SNX25: variants seen among roughly 807,000 people sequenced by gnomAD.
The protein encoded by SNX25 is sorting nexin 25.
SNX25 carries 62 observed loss-of-function variants against 113.7 expected under a neutral mutation model. That is an observed-to-expected ratio of 0.55 (90% CI 0.44 to 0.67). The LOEUF is 0.67. Among genes scored for constraint, SNX25 ranks in the 30% least tolerant of loss-of-function variants. SNX25 has a pLI of 0.00. For missense variants in SNX25, 1,014 were observed against 1,161.0 expected, an observed-to-expected ratio of 0.87 and a Z score of 1.84; for synonymous variants, 421 against 436.2, an observed-to-expected ratio of 0.97 and a Z score of 0.43.
At chr4:185,374,530 A>G (rs984536351), downstream of SNX25, 3 of 1,553,554 alleles carry the variant, frequency 1.9e-6, no homozygotes, top group Non-Finnish European at 2.6e-6. Flanking sequence ...CTTTCTCCCA[A>G]TAAGGCTGTG....
At chr4:185,239,278 T>G (rs536046342) in intron 1 of SNX25, among the ~76,000 whole-genome samples, 2 of 150,036 alleles carry the variant, frequency 1.3e-5, no homozygotes, top group African/African-American at 4.9e-5. Flanking sequence ...GGTCAGGAGA[T>G]CGAGACCATC....
chr4:185,206,104 G>A (rs529999794), upstream of SNX25, among the ~76,000 whole-genome samples: 53 of 152,314 alleles, frequency 3.5e-4, no homozygotes, highest in African/African-American at 1.2e-3. Flanking sequence ...AGTATGGCAT[G>A]TTCTGAAAAA....
At chr4:185,262,990 A>C (rs1013560788) in intron 3 of SNX25, among the ~76,000 whole-genome samples, 3 of 152,152 alleles carry the variant, frequency 2.0e-5, no homozygotes, top group African/African-American at 7.2e-5. Context: ...GAGTTAGTGG[A>C]AGGATTCCAG....
intron 7 of SNX25, among the ~76,000 whole-genome samples, chr4:185,315,224 T>C (rs1486399313): frequency 2.4e-5 from 3 of 123,986 alleles, no homozygotes; most frequent in Non-Finnish European, 3.5e-5. Flanking sequence ...CAAGACTCCA[T>C]CTCAAAAAAA....
intron 13 of SNX25, among the ~76,000 whole-genome samples, chr4:185,350,065 CCTT>C (rs1215885678): frequency 2.0e-5 from 3 of 152,352 alleles, no homozygotes; most frequent in South Asian, 4.1e-4. Flanking sequence ...CCCTTAATCT[CCTT>C]CTCAATGGCC....
At chr4:185,351,862 C>A (rs2095316518) in intron 14 of SNX25, among the ~76,000 whole-genome samples, 1 of 149,838 alleles carries the variant, frequency 6.7e-6, no homozygotes, top group South Asian at 2.1e-4. Context: ...ACACACGGGG[C>A]GCCAGTCCCC....
At chr4:185,359,531 C>T (rs2095352920) in intron 16 of SNX25, among the ~76,000 whole-genome samples, 4 of 152,040 alleles carry the variant, frequency 2.6e-5, no homozygotes, top group East Asian at 3.9e-4. Flanking sequence ...CGGTGGCTCA[C>T]GTCTGTAATC....
intron 13 of SNX25, among the ~76,000 whole-genome samples, chr4:185,350,518 G>C (rs1270566264): frequency 6.6e-6 from 1 of 152,188 alleles, no homozygotes; most frequent in East Asian, 1.9e-4. Context: ...CCTAAGGTCA[G>C]GTAAGTACAT....
At chr4:185,270,744 C>A (rs1344551819) in intron 5 of SNX25, among the ~76,000 whole-genome samples, 1 of 152,220 alleles carries the variant, frequency 6.6e-6, no homozygotes, top group South Asian at 2.1e-4. Context: ...ATGGATTTGC[C>A]TAGTCTGGAC....
At chr4:185,371,561 A>T (rs79617325), downstream of SNX25, among the ~76,000 whole-genome samples, 54 of 150,694 alleles carry the variant, frequency 3.6e-4, 1 homozygote, top group African/African-American at 7.4e-4. Context: ...AAAAAAAAAA[A>T]AAGGATAATG....
intron 1 of SNX25, among the ~76,000 whole-genome samples, chr4:185,224,530 T>TAAATAG (rs1560905107): frequency 1.4e-4 from 18 of 129,642 alleles, no homozygotes; most frequent in African/African-American, 3.9e-4. Flanking sequence ...TATATATACA[T>TAAATAG]ATATATAAAT....
chr4:185,332,834 A>C (rs923066734), intron 10 of SNX25, 75 bp downstream of exon 10: 20 of 1,425,290 alleles, frequency 1.4e-5, no homozygotes, highest in Non-Finnish European at 1.9e-5. Flanking sequence ...TGAGGTTGAG[A>C]AGTGTCAGTT....
At chr4:185,333,939 C>G (rs1292930046) in intron 10 of SNX25, among the ~76,000 whole-genome samples, 2 of 149,838 alleles carry the variant, frequency 1.3e-5, no homozygotes, top group African/African-American at 4.9e-5. Context: ...TCCCCAGCTA[C>G]TAGGTAGGCT....
intron 5 of SNX25, among the ~76,000 whole-genome samples, chr4:185,278,332 G>A (rs1750051163): frequency 6.6e-6 from 1 of 152,254 alleles, no homozygotes; most frequent in African/African-American, 2.4e-5. Context: ...TCAAGAGTCA[G>A]ACAGACCTGG....
At chr4:185,261,116 G>C (rs202106067) in intron 3 of SNX25, among the ~76,000 whole-genome samples, 38 of 37,806 alleles carry the variant, frequency 1.0e-3, no homozygotes, top group South Asian at 4.3e-3. Flanking sequence ...GTCTGTCTCT[G>C]TGTGTGTGTG....
intron 6 of SNX25, among the ~76,000 whole-genome samples, chr4:185,304,371 T>C (rs986115006): frequency 1.3e-5 from 2 of 152,168 alleles, no homozygotes; most frequent in Non-Finnish European, 2.9e-5. Context: ...TTATTTTGTT[T>C]TTTTGAGATG....
rs2095217251 is a variant in SNX25, at chr4:185,334,535, G to A, written c.1914+1776G>A. Among the ~76,000 whole-genome samples the A allele has an allele frequency of 2.0e-5, 3 of 152,188 alleles. No individual in the cohort carries two copies. Among genetic ancestry groups the A allele is most frequent in the South Asian group, 2.1e-4 (1 of 4,816 alleles). On this transcript the variant is annotated intron_variant, in intron 10 of 18. Transcript: ENST00000652585. The surrounding 1 kb of genome is among the most constrained non-coding windows in gnomAD (Gnocchi z 4.2). ...ATGTCTGAGATGATAAACAGAATTCGCTGGCATGGCAGATAATCAGTATCT... is the reference window on the plus strand; with the variant it reads ...ATGTCTGAGATGATAAACAGAATTCACTGGCATGGCAGATAATCAGTATCT...
At chr4:185,368,223 A>G (rs2095398291), downstream of SNX25, among the ~76,000 whole-genome samples, 1 of 152,196 alleles carries the variant, frequency 6.6e-6, no homozygotes, top group South Asian at 2.1e-4. Context: ...GTTTCTCTCC[A>G]TGTACTCCAG....
intron 6 of SNX25, among the ~76,000 whole-genome samples, chr4:185,305,707 T>A (rs1754371415): frequency 6.6e-6 from 1 of 152,202 alleles, no homozygotes; most frequent in Admixed American, 6.5e-5. Context: ...CTAATATAAA[T>A]GTCTTTTTCA....
Sources: gnomAD v4.1 joint callset for allele counts (sites outside exome capture counted in the v4.1 genomes callset) on GRCh38, gnomAD v4.1.1 for gene constraint, Gnocchi (gnomAD v3.1) non-coding constraint, MANE v1.5 for transcripts, NCBI Gene and HGNC (gene_info 2026-07-23, HGNC 2026-07-21) for gene names.